Variants in ARL13B observed in about 807,000 individuals in gnomAD.
The protein encoded by ARL13B is ARF like GTPase 13B.
ARL13B carries 36 observed loss-of-function variants against 56.1 expected under a neutral mutation model. That is an observed-to-expected ratio of 0.64 (90% CI 0.49 to 0.85). ARL13B has a LOEUF of 0.85. Among genes scored for constraint, ARL13B ranks in the 40% least tolerant of loss-of-function variants. The pLI is 0.00. For synonymous variants in ARL13B, 178 were observed against 171.1 expected, an observed-to-expected ratio of 1.04 and a Z score of -0.32; for missense variants, 519 against 507.1, an observed-to-expected ratio of 1.02 and a Z score of -0.23.
intron 8 of ARL13B, among the ~76,000 whole-genome samples, chr3:94,050,565 TGTTTTTGATAGTG>T (rs2077051772): frequency 6.6e-6 from 1 of 152,244 alleles, no homozygotes; most frequent in Admixed American, 6.5e-5. Flanking sequence ...AGCATGAGTT[TGTTTTTGATAGTG>T]GTGAAGGTGC....
At chr3:94,003,253 T>A (rs1316765158) in intron 2 of ARL13B, among the ~76,000 whole-genome samples, 1 of 152,186 alleles carries the variant, frequency 6.6e-6, no homozygotes, top group African/African-American at 2.4e-5. Flanking sequence ...AACTCTTCTA[T>A]TCTCTAAGTG....
At chr3:94,045,847 A>G (rs1340069692) in intron 7 of ARL13B, among the ~76,000 whole-genome samples, 2 of 148,986 alleles carry the variant, frequency 1.3e-5, no homozygotes, top group African/African-American at 4.9e-5. Flanking sequence ...GCTACTCAGG[A>G]GGCTGAGGCA....
intron 3 of ARL13B, among the ~76,000 whole-genome samples, chr3:94,031,272 C>T (rs894185739): frequency 6.6e-6 from 1 of 151,870 alleles, no homozygotes; most frequent in Non-Finnish European, 1.5e-5. Flanking sequence ...AACACGAATA[C>T]ATGGTTAGAT....
At chr3:94,036,303 A>C (rs1576027702) in intron 4 of ARL13B, among the ~76,000 whole-genome samples, 1 of 152,148 alleles carries the variant, frequency 6.6e-6, no homozygotes, top group African/African-American at 2.4e-5. Context: ...TAATATTATA[A>C]GTGGCACTGT....
rs546040392 is a variant in ARL13B, at chr3:93,980,188, A to G, written c.-236A>G. On this transcript the variant is annotated 5_prime_UTR_variant, in exon 1 of 10. Coordinates refer to ENST00000394222, the MANE Select transcript of ARL13B (RefSeq NM_001174150.2). ...TTAGCCGGGTCCCGCTAACTCGGCT[A>G]CGGTGTATCTGCGTCTTTGGTCAGG... is the stretch of plus-strand genomic sequence containing the variant. The G allele has an allele frequency of 2.1e-5, 14 of 682,540 alleles. No individual in the cohort carries two copies. The highest frequency in any genetic ancestry group is 4.5e-5 in the South Asian group (3 of 65,988). The allele number at this position is 682,540 out of a possible 1,614,324, so 42.3% of individuals were successfully genotyped here. A position where few individuals can be genotyped will look rare whatever the true frequency, so the allele number is the denominator to read the frequency against.
chr3:94,015,185 C>CT (rs751463376), intron 3 of ARL13B: 11 of 1,613,668 alleles, frequency 6.8e-6, no homozygotes, highest in South Asian at 1.1e-5. Flanking sequence ...CCTTGTTCCT[C>CT]TGTTTCTGTA....
At chr3:94,044,126 G>A (rs1390847082) in intron 7 of ARL13B, among the ~76,000 whole-genome samples, 1 of 152,030 alleles carries the variant, frequency 6.6e-6, no homozygotes, top group African/African-American at 2.4e-5. Flanking sequence ...CATCGTCTGG[G>A]ATGTGAGGAG....
At chr3:94,039,296 C>T (rs768078867) in intron 5 of ARL13B, among the ~76,000 whole-genome samples, 1 of 152,012 alleles carries the variant, frequency 6.6e-6, no homozygotes, top group African/African-American at 2.4e-5. Flanking sequence ...GTCAGGAGAT[C>T]GAGACCATCC....
rs1560020239 is a variant in ARL13B, at chr3:94,053,517, ACT to A, written c.*257_*258del. The A allele has an allele frequency of 3.3e-6, 2 of 606,404 alleles. No homozygotes were observed. The highest frequency in any genetic ancestry group is 3.1e-6 in the Non-Finnish European group (1 of 325,820). The allele number at this position is 606,404 out of a possible 1,614,324, so 37.6% of individuals were successfully genotyped here. On this transcript the variant is annotated 3_prime_UTR_variant, in exon 10 of 10. Transcript: ENST00000394222. ...ACCAAATTAGCAAGATTTACTGTTG[ACT>A]CTGGTTTATACATCCCCACTCATGA... is the stretch of plus-strand genomic sequence containing the variant.
intron 2 of ARL13B, among the ~76,000 whole-genome samples, chr3:93,996,191 G>A (rs1038138619): frequency 1.3e-5 from 2 of 152,152 alleles, no homozygotes; most frequent in African/African-American, 4.8e-5. Context: ...TCTGCTAAGA[G>A]GGAATAGTAT....
rs563373822 is a variant in ARL13B at position 94,044,809 on chromosome 3, C to A, written c.1024+1569C>A. 1.1e-3 allele frequency among the ~76,000 whole-genome samples: 167 copies of A among 146,952 alleles called. 1 individual carries two copies. Among genetic ancestry groups the A allele is most frequent in the African/African-American group, 4.0e-3 (157 of 39,390 alleles). ...GAGCGCCTCTGCCCGGCCGCGCCGT[C>A]TGGGAAGTGGGGAGCGCCTCTGCCC... On this transcript the variant is annotated intron_variant, in intron 7 of 9. Coordinates refer to ENST00000394222, the MANE Select transcript of ARL13B (RefSeq NM_001174150.2).
At chr3:94,028,216 G>C (rs536202441) in intron 3 of ARL13B, among the ~76,000 whole-genome samples, 28 of 152,102 alleles carry the variant, frequency 1.8e-4, no homozygotes, top group Non-Finnish European at 3.7e-4. Flanking sequence ...TAATATATGT[G>C]AACAAATCAG....
chr3:93,980,278 C>T lies in ARL13B; in HGVS notation c.-146C>T, dbSNP rs1256738931. On this transcript the variant is annotated 5_prime_UTR_variant, in exon 1 of 10. Coordinates refer to ENST00000394222, the MANE Select transcript of ARL13B (RefSeq NM_001174150.2). ...CGGTTAGCAAGGCTTAGTGCTCGGGCCGGCCGCCTTCACTTCCCTCCCGGC... is the reference window on the plus strand; with the variant it reads ...CGGTTAGCAAGGCTTAGTGCTCGGGTCGGCCGCCTTCACTTCCCTCCCGGC... The T allele has an allele frequency of 9.5e-7, 1 of 1,052,016 alleles. No homozygotes were observed. The highest frequency in any genetic ancestry group is 1.4e-6 in the Non-Finnish European group (1 of 698,114). The allele number at this position is 1,052,016 out of a possible 1,614,324, so 65.2% of individuals were successfully genotyped here.
intron 3 of ARL13B, among the ~76,000 whole-genome samples, chr3:94,030,631 G>A (rs2076659938): frequency 6.6e-6 from 1 of 151,996 alleles, no homozygotes; most frequent in African/African-American, 2.4e-5. Flanking sequence ...ATATATCTAG[G>A]TGATGGCAAA....
At chr3:93,989,409 C>T (rs1461929750) in intron 1 of ARL13B, among the ~76,000 whole-genome samples, 7 of 151,834 alleles carry the variant, frequency 4.6e-5, no homozygotes, top group South Asian at 2.1e-4. Flanking sequence ...AAAAAGTAGC[C>T]GGGGATGGTT....
At chr3:94,012,193 A>G (rs1474155776) in intron 3 of ARL13B, among the ~76,000 whole-genome samples, 9 of 152,030 alleles carry the variant, frequency 5.9e-5, no homozygotes, top group African/African-American at 2.2e-4. Context: ...ATACCACCTT[A>G]CATAGCATTT....
chr3:94,049,633 G>A (rs1302782866), intron 8 of ARL13B, 111 bp downstream of exon 8: 3 of 740,628 alleles, frequency 4.1e-6, no homozygotes, highest in Non-Finnish European at 6.4e-6. Flanking sequence ...TCATTATCTT[G>A]TATACTTGTG....
chr3:94,022,369 AC>A (rs1183036734), intron 3 of ARL13B, among the ~76,000 whole-genome samples: 1 of 151,048 alleles, frequency 6.6e-6, no homozygotes, highest in African/African-American at 2.4e-5. Flanking sequence ...CAAGTGATCC[AC>A]CCGCCTCAGC....
intron 3 of ARL13B, among the ~76,000 whole-genome samples, chr3:94,018,956 G>C (rs542421760): frequency 2.0e-5 from 3 of 151,988 alleles, no homozygotes; most frequent in Non-Finnish European, 4.4e-5. Flanking sequence ...ATTAACGACA[G>C]GGTTTCACCA....
Sources: gnomAD v4.1 joint callset for allele counts (sites outside exome capture counted in the v4.1 genomes callset) on GRCh38, gnomAD v4.1.1 for gene constraint, MANE v1.5 for transcripts, NCBI Gene and HGNC (gene_info 2026-07-23, HGNC 2026-07-21) for gene names.